Variants in MACROD2 observed in about 807,000 individuals in gnomAD.
The protein encoded by MACROD2 is ADP-ribose glycohydrolase MACROD2.
A neutral mutation model predicts 70.4 loss-of-function variants in MACROD2; 36 were observed. That is an observed-to-expected ratio of 0.51 (90% CI 0.39 to 0.68). MACROD2 has a LOEUF of 0.68. MACROD2 is among the 30% of genes least tolerant of loss of function. The pLI is 0.00. For missense variants in MACROD2, 496 were observed against 538.4 expected (o/e 0.92, Z 0.78); for synonymous variants, 172 against 178.8 (o/e 0.96, Z 0.30).
chr20:15,174,664 T>C (rs1379840170), intron 5 of MACROD2, among the ~76,000 whole-genome samples: 1 of 152,218 alleles, frequency 6.6e-6, no homozygotes, highest in African/African-American at 2.4e-5. Context: ...CTCCAGCACC[T>C]GTTGTGTCCT....
intron 5 of MACROD2, among the ~76,000 whole-genome samples, chr20:14,800,001 A>G (rs1027068045): frequency 6.6e-6 from 1 of 152,172 alleles, no homozygotes; most frequent in Admixed American, 6.5e-5. Flanking sequence ...AGATGCCAAT[A>G]TGGAAAGCTT....
chr20:14,278,549 T>C (rs2327842), intron 3 of MACROD2, among the ~76,000 whole-genome samples: 99,148 of 152,068 alleles, frequency 0.65, 33,508 homozygotes, highest in Non-Finnish European at 0.75. Context: ...TATTTTTTCT[T>C]CTTCCTTAAA....
At chr20:14,261,694 CATTT>C (rs1459591930) in intron 3 of MACROD2, among the ~76,000 whole-genome samples, 2 of 151,062 alleles carry the variant, frequency 1.3e-5, no homozygotes, top group Non-Finnish European at 3.0e-5. Flanking sequence ...TTCCCCTGTT[CATTT>C]ATTTAATTTA....
intron 4 of MACROD2, among the ~76,000 whole-genome samples, chr20:14,583,332 T>C (rs547393071): frequency 7.9e-5 from 12 of 152,212 alleles, no homozygotes; most frequent in African/African-American, 2.6e-4. Flanking sequence ...ATCATCAGGG[T>C]CCAGAACCTT....
intron 5 of MACROD2, among the ~76,000 whole-genome samples, chr20:14,789,964 A>G (rs1218047805): frequency 6.6e-6 from 1 of 152,096 alleles, no homozygotes; most frequent in Non-Finnish European, 1.5e-5. Flanking sequence ...TTTAGATTGC[A>G]TTTTCTATTA....
At chr20:15,898,101 C>CT (rs1033617747) in intron 10 of MACROD2, among the ~76,000 whole-genome samples, 9 of 152,100 alleles carry the variant, frequency 5.9e-5, no homozygotes, top group South Asian at 2.1e-4. Context: ...CAACAGAGAC[C>CT]TTTTTTTCCC....
intron 8 of MACROD2, among the ~76,000 whole-genome samples, chr20:15,717,959 G>A (rs1482459384): frequency 1.3e-5 from 2 of 151,782 alleles, no homozygotes; most frequent in East Asian, 3.9e-4. Flanking sequence ...TTTTGATATT[G>A]TGGTCCTGAA....
intron 8 of MACROD2, among the ~76,000 whole-genome samples, chr20:15,761,537 G>A (rs1056316784): frequency 6.6e-6 from 1 of 152,106 alleles, no homozygotes; most frequent in African/African-American, 2.4e-5. Context: ...GGCTATTAAA[G>A]CCTATTTTAA....
At chr20:14,236,740 C>T (rs537244757) in intron 3 of MACROD2, among the ~76,000 whole-genome samples, 2 of 152,202 alleles carry the variant, frequency 1.3e-5, no homozygotes, top group African/African-American at 4.8e-5. Context: ...TTAGTTCATA[C>T]TTTTGTCCAT....
chr20:14,454,708 G>C (rs990029807), intron 3 of MACROD2, among the ~76,000 whole-genome samples: 1 of 149,380 alleles, frequency 6.7e-6, no homozygotes, highest in African/African-American at 2.5e-5. Context: ...ATTTGTCCCT[G>C]CTACTCAGCT....
At chr20:15,748,783 T>C (rs1011014719) in intron 8 of MACROD2, among the ~76,000 whole-genome samples, 3 of 152,110 alleles carry the variant, frequency 2.0e-5, no homozygotes, top group African/African-American at 7.2e-5. Flanking sequence ...TTGCCCACCA[T>C]TATTCTAAAT....
intron 4 of MACROD2, among the ~76,000 whole-genome samples, chr20:14,653,827 C>T (rs1344651728): frequency 6.6e-6 from 1 of 152,150 alleles, no homozygotes; most frequent in African/African-American, 2.4e-5. Flanking sequence ...AAAAGTAATG[C>T]CTCAAAAAGC....
intron 2 of MACROD2, among the ~76,000 whole-genome samples, chr20:14,004,599 A>G (rs1456735607): frequency 1.3e-5 from 2 of 152,152 alleles, no homozygotes; most frequent in African/African-American, 4.8e-5. Context: ...TGTGTTACCT[A>G]TTCAGTGCTC....
At chr20:14,050,156 C>G (rs1209109114) in intron 2 of MACROD2, among the ~76,000 whole-genome samples, 1 of 151,050 alleles carries the variant, frequency 6.6e-6, no homozygotes, top group Admixed American at 6.6e-5. Flanking sequence ...CTTCCTCATT[C>G]ATACTGAATG....
At position 14,296,182 on chromosome 20, in the gene MACROD2, A is replaced by G. The variant is rs150857222; in HGVS notation, c.272-197297A>G. Among the ~76,000 whole-genome samples, 452 of 152,026 alleles carry G rather than the reference A, an allele frequency of 3.0e-3. 19 individuals carry two copies. The highest frequency in any genetic ancestry group is 0.01 in the African/African-American group (425 of 41,354). The stretch of plus-strand genomic sequence containing the variant: ...TGAGTCAGTTTGAACAAATTATCAT[A>G]TTTATAAGCTTGCTATAATTAATAC... On this transcript the variant is annotated intron_variant, in intron 3 of 17. Coordinates refer to ENST00000684519, the MANE Select transcript of MACROD2 (RefSeq NM_001351661.2).
intron 8 of MACROD2, among the ~76,000 whole-genome samples, chr20:15,852,181 C>T (rs748776113): frequency 9.9e-5 from 15 of 152,142 alleles, no homozygotes; most frequent in Non-Finnish European, 1.3e-4. Context: ...GAGGCAGGCT[C>T]GGAAATTAAC....
At chr20:15,314,865 T>C (rs2077792025) in intron 6 of MACROD2, among the ~76,000 whole-genome samples, 1 of 152,198 alleles carries the variant, frequency 6.6e-6, no homozygotes, top group African/African-American at 2.4e-5. Context: ...AAAAACCACA[T>C]GCACACCCAG....
intron 3 of MACROD2, among the ~76,000 whole-genome samples, chr20:14,381,610 T>C (rs1175178051): frequency 2.0e-5 from 3 of 152,176 alleles, no homozygotes; most frequent in Admixed American, 2.0e-4. Context: ...ACCATGCACA[T>C]TATAAGAAGG....
At chr20:14,347,487 G>A (rs533883348) in intron 3 of MACROD2, among the ~76,000 whole-genome samples, 51 of 152,212 alleles carry the variant, frequency 3.4e-4, no homozygotes, top group Admixed American at 1.4e-3. Flanking sequence ...AAATATAGAC[G>A]AAAATATAGT....
Sources: gnomAD v4.1 joint callset for allele counts (sites outside exome capture counted in the v4.1 genomes callset) on GRCh38, gnomAD v4.1.1 for gene constraint, MANE v1.5 for transcripts, NCBI Gene and HGNC (gene_info 2026-07-23, HGNC 2026-07-21) for gene names.